The following ALOX15B variants were observed in gnomAD, a reference collection of about 807,000 sequenced individuals.
ALOX15B encodes the protein polyunsaturated fatty acid lipoxygenase ALOX15B.
In ALOX15B, 74 loss-of-function variants were observed where a neutral mutation model predicts 73.8. That is an observed-to-expected ratio of 1.00 (90% CI 0.83 to 1.22). The LOEUF (loss-of-function observed/expected upper bound fraction) is 1.22. Ranked by LOEUF, ALOX15B falls within the 50% of genes most tolerant of loss-of-function variation. The pLI, the probability that ALOX15B is intolerant of heterozygous loss-of-function variation, is 0.00. For missense variants in ALOX15B, 896 were observed against 859.9 expected, an observed-to-expected ratio of 1.04 and a Z score of -0.52; for synonymous variants, 353 against 357.2, an observed-to-expected ratio of 0.99 and a Z score of 0.13.
At chr17:8,045,180 C>T (rs1161848207) in intron 6 of ALOX15B, 58 bp from the exon 7 acceptor site, 4 of 1,611,866 alleles carry the variant, frequency 2.5e-6, no homozygotes, top group Non-Finnish European at 3.4e-6. Flanking sequence ...CCTTCTACAA[C>T]TGCACCCCCT....
intron 3 of ALOX15B, among the ~76,000 whole-genome samples, 184 bp from the exon 4 acceptor site, chr17:8,042,185 T>TG (rs957270241): frequency 5.9e-5 from 9 of 152,240 alleles, no homozygotes; most frequent in African/African-American, 2.2e-4. Flanking sequence ...CATCTCACTG[T>TG]GGGAAAATGG....
At chr17:8,044,105 GAGGAAGGAAGGA>G (rs556498649) in intron 5 of ALOX15B, among the ~76,000 whole-genome samples, 3,879 of 62,368 alleles carry the variant, frequency 0.062, 148 homozygotes, top group East Asian at 0.22. Context: ...GAGAGAGAGA[GAGGAAGGAAGGA>G]AGGAAGGAAG....
At position 8,047,682 on chromosome 17, in the gene ALOX15B, C is replaced by T. The variant is rs771089759; in HGVS notation, c.1680+18C>T. On this transcript the variant is annotated intron_variant, in intron 12 of 13. Transcript: ENST00000380183. ...CAGGGCAGGTGAGGAAAGGCCAGCG[C>T]CCGAGGTGGCAGGCTGGAGGTGACC... The T allele has an allele frequency of 2.7e-5, 43 of 1,613,186 alleles. No homozygotes were observed. Among genetic ancestry groups the T allele is most frequent in the Admixed American group, 1.7e-4 (10 of 59,912 alleles).
chr17:8,039,757 C>T (rs1408160946), intron 2 of ALOX15B, 145 bp from the exon 3 acceptor site: 4 of 1,169,822 alleles, frequency 3.4e-6, no homozygotes, highest in South Asian at 3.0e-5. Flanking sequence ...CCTTGGGGAG[C>T]GGGAGGTAGC....
In ALOX15B at chr17:8,039,534, G is replaced by C; in HGVS notation, c.296G>C (p.Gly99Ala). 6.5e-7 allele frequency: 1 copy of C among 1,548,324 alleles called. No individual in the cohort carries two copies. Among genetic ancestry groups the C allele is most frequent in the Non-Finnish European group, 8.7e-7 (1 of 1,150,848 alleles). ...TGGTTCCAGCTGACACCGCCGCGGG[G>C]CGGCCACCTCCTCTTCCCCTGCTAC... ...CRWFQLTPPR[G>A]GHLLFPCYQW... Residue 99 changes from glycine (G) to alanine (A), a missense_variant, in exon 2 of 14, where the codon GGC becomes GCC. Physicochemically the swap from Gly to Ala is moderately conservative, Grantham distance 60 (BLOSUM62 0). Coordinates refer to ENST00000380183, the MANE Select transcript of ALOX15B (RefSeq NM_001141.3).
intron 8 of ALOX15B, among the ~76,000 whole-genome samples, chr17:8,046,458 G>A (rs1976609977): frequency 6.6e-6 from 1 of 152,184 alleles, no homozygotes; most frequent in Non-Finnish European, 1.5e-5. Flanking sequence ...TGAGGCTCAG[G>A]GAGAGGAAGG....
intron 3 of ALOX15B, among the ~76,000 whole-genome samples, chr17:8,040,643 G>GAAAGAAAGA (rs753840330): frequency 7.4e-6 from 1 of 134,318 alleles, no homozygotes; most frequent in Admixed American, 7.3e-5. Context: ...AAGAAAGAAA[G>GAAAGAAAGA]AAAGAAAGAA....
At chr17:8,047,688 G>A in intron 12 of ALOX15B, 24 bp downstream of exon 12, 1 of 1,613,620 alleles carries the variant, frequency 6.2e-7, no homozygotes, top group Non-Finnish European at 8.5e-7. Context: ...AGCGCCCGAG[G>A]TGGCAGGCTG....
rs1470010249 is a variant in ALOX15B, at chr17:8,044,146, AGG to A, written c.677-682_677-681del. Among the ~76,000 whole-genome samples the A allele has an allele frequency of 6.7e-3, 996 of 149,258 alleles. 44 individuals carry two copies. Among genetic ancestry groups the A allele is most frequent in the East Asian group, 0.017 (85 of 5,012 alleles). ...AAGGAAGGAAGGAAGGAAGGAAGGA[AGG>A]AAGGAAAGAAAGAAAAGGAAAAAGG... is the stretch of plus-strand genomic sequence containing the variant. On this transcript the variant is annotated intron_variant, in intron 5 of 13. Transcript: ENST00000380183.
chr17:8,039,743 G>A (rs1976383075), intron 2 of ALOX15B, 138 bp downstream of exon 2: 12 of 1,172,274 alleles, frequency 1.0e-5, no homozygotes, highest in South Asian at 4.5e-5. Context: ...AGGGAATGGC[G>A]GAGCCTTGGG....
In ALOX15B at chr17:8,047,246, G is replaced by A. The variant is rs1976635199; in HGVS notation, c.1458-12G>A. 6.2e-7 allele frequency: 1 copy of A among 1,613,938 alleles called. No homozygotes were observed. Among genetic ancestry groups the A allele is most frequent in the African/African-American group, 1.3e-5 (1 of 74,974 alleles). ...GGGTTGGAGGCTGGACCTGAACCTG[G>A]ATGCATTGCAGCTTTGTCTCTGAAA... On this transcript the variant is annotated splice_polypyrimidine_tract_variant and intron_variant, in intron 10 of 13. Transcript: ENST00000380183.
chr17:8,044,151 G>GGAAGGAAGGAAGGAAGGAAA (rs796365678), intron 5 of ALOX15B, among the ~76,000 whole-genome samples: 5,109 of 112,086 alleles, frequency 0.046, 258 homozygotes, highest in African/African-American at 0.052. Context: ...AAGGAAGGAA[G>GGAAGGAAGGAAGGAAGGAAA]GAAAGAAAGA....
rs1268824877 is a variant in ALOX15B, at chr17:8,039,582, C to T, written c.344C>T (p.Thr115Ile). The T allele has an allele frequency of 1.4e-6, 2 of 1,407,472 alleles. No individual in the cohort carries two copies. The highest frequency in any genetic ancestry group is 3.2e-5 in the East Asian group (1 of 31,146). The allele number at this position is 1,407,472 out of a possible 1,614,324, so 87.2% of individuals were successfully genotyped here. A position where few individuals can be genotyped will look rare whatever the true frequency, so the allele number is the denominator to read the frequency against. The change falls in exon 2 of 14, where the codon ACC becomes ATC. Residue 115 changes from threonine to isoleucine, a missense_variant. Thr to Ile is a moderately conservative substitution (Grantham distance 89). Coordinates refer to ENST00000380183, the MANE Select transcript of ALOX15B (RefSeq NM_001141.3). ...TACCAGTGGCTGGAGGGGGCGGGGACCCTGGTGCTGCAGGAGGGTACAGGT... is the reference window on the plus strand; with the variant it reads ...TACCAGTGGCTGGAGGGGGCGGGGATCCTGGTGCTGCAGGAGGGTACAGGT... ...PCYQWLEGAGTLVLQEGTAKV... is the reference protein window; with the variant it reads ...PCYQWLEGAGILVLQEGTAKV...
intron 3 of ALOX15B, among the ~76,000 whole-genome samples, chr17:8,040,989 T>C (rs1976450902): frequency 6.6e-6 from 1 of 152,138 alleles, no homozygotes; most frequent in South Asian, 2.1e-4. Context: ...GGCCAACTCA[T>C]CTGCTATCTA....
At chr17:8,039,723 G>GGCCGGGCTGGGGCT in intron 2 of ALOX15B, 118 bp downstream of exon 2, 1 of 1,240,566 alleles carries the variant, frequency 8.1e-7, no homozygotes, top group East Asian at 2.5e-5. Context: ...CAGAGTAGCG[G>GGCCGGGCTGGGGCT]GCAGAGGAGA....
intron 11 of ALOX15B, 63 bp from the exon 12 acceptor site, chr17:8,047,501 A>G: frequency 6.4e-7 from 1 of 1,563,888 alleles, no homozygotes; most frequent in Non-Finnish European, 8.7e-7. Flanking sequence ...GCTCACCCTC[A>G]AGCCTCCGCA....
Position 8,039,939 on chromosome 17 carries a change from G to C in ALOX15B, c.405G>C (p.Gln135His). 6.2e-7 allele frequency: 1 copy of C among 1,613,688 alleles called. No individual in the cohort carries two copies. Among genetic ancestry groups the C allele is most frequent in the Non-Finnish European group, 8.5e-7 (1 of 1,179,818 alleles). Residue 135 changes from glutamine (Q) to histidine (H), a missense_variant, in exon 3 of 14, where the codon CAG (glutamine) becomes CAC (histidine). Gln to His is a conservative substitution (Grantham distance 24). Transcript: ENST00000380183. Reference sequence around the variant, plus strand: ...GGGCAGACCACCACCCTGTGCTCCAGCAACAGCGCCAGGAGGAGCTTCAGG... The same window carrying C: ...GGGCAGACCACCACCCTGTGCTCCACCAACAGCGCCAGGAGGAGCTTCAGG... ...VSWADHHPVL[Q>H]QQRQEELQAR... is the part of the protein sequence containing the mutation.
chr17:8,047,006 C>T lies in ALOX15B; in HGVS notation c.1387C>T (p.Arg463Ter), dbSNP rs139880289. 952 of 1,613,904 alleles carry T rather than the reference C, an allele frequency of 5.9e-4. 1 individual carries two copies. Among genetic ancestry groups the T allele is most frequent in the Non-Finnish European group, 7.0e-4 (830 of 1,180,016 alleles). Residue 463 changes from arginine (R) to a stop codon, truncating the protein, a stop_gained, in exon 10 of 14, where the codon CGA becomes TGA. Coordinates refer to ENST00000380183, the MANE Select transcript of ALOX15B (RefSeq NM_001141.3). LOFTEE classifies it high-confidence loss of function. ...GTGTCTGCCTGAGGATATCCGGACC[C>T]GAGGAGTTGAAGACATCCCAGGCTA... ...LLCLPEDIRT[R>*]GVEDIPGYYY...
chr17:8,048,433 T>A lies in ALOX15B; in HGVS notation c.1899T>A (p.Pro633=). 6.2e-7 allele frequency: 1 copy of A among 1,614,036 alleles called. No individual in the cohort carries two copies. The highest frequency in any genetic ancestry group is 1.1e-5 in the South Asian group (1 of 91,080). Residue 633 remains proline, a synonymous_variant, in exon 14 of 14, where the codon CCT becomes CCA. Transcript: ENST00000380183. ...ATGAGCACTTCACAGAGGAGGCCCCTCGGCGGAGCATCGCCACCTTCCAGA... is the reference window on the plus strand; with the variant it reads ...ATGAGCACTTCACAGAGGAGGCCCCACGGCGGAGCATCGCCACCTTCCAGA... ...YPDEHFTEEA[P]RRSIATFQSR...
Sources: gnomAD v4.1 joint callset for allele counts (sites outside exome capture counted in the v4.1 genomes callset) on GRCh38, gnomAD v4.1.1 for gene constraint, MANE v1.5 for transcripts, NCBI Gene and HGNC (gene_info 2026-07-23, HGNC 2026-07-21) for gene names.